RANBP9: variants seen among roughly 807,000 people sequenced by gnomAD.
The protein encoded by RANBP9 is RAN binding protein 9, also known as ran-binding protein 9.
RANBP9 carries 15 observed loss-of-function variants against 84.3 expected under a neutral mutation model. The observed-to-expected ratio is 0.18, with a 90% CI of 0.12 to 0.27. The LOEUF (loss-of-function observed/expected upper bound fraction) is 0.27. Ranked by LOEUF, RANBP9 falls within the 10% of genes least tolerant of loss-of-function variation. RANBP9 has a pLI of 1.00. For synonymous variants in RANBP9, 392 were observed against 349.6 expected (o/e 1.12, Z -1.35); for missense variants, 809 against 912.8 (o/e 0.89, Z 1.46).
intron 7 of RANBP9, 140 bp from the exon 8 acceptor site, chr6:13,641,447 T>C (rs1172777725): frequency 1.7e-6 from 1 of 584,170 alleles, no homozygotes; most frequent in East Asian, 3.3e-5. Context: ...AACATCATAG[T>C]TTCCATTAGG....
intron 5 of RANBP9, among the ~76,000 whole-genome samples, chr6:13,651,483 C>A (rs1765296092): frequency 6.6e-6 from 1 of 151,958 alleles, no homozygotes; most frequent in Non-Finnish European, 1.5e-5. Flanking sequence ...CAAGCTCCGC[C>A]TCCTGGGTTC....
chr6:13,697,622 G>A (rs906500827), intron 1 of RANBP9, among the ~76,000 whole-genome samples: 1 of 152,004 alleles, frequency 6.6e-6, no homozygotes, highest in African/African-American at 2.4e-5. Flanking sequence ...AATCCCACAG[G>A]GTTTGCTAAA....
At chr6:13,654,174 C>T (rs1765352589) in intron 4 of RANBP9, among the ~76,000 whole-genome samples, 1 of 152,072 alleles carries the variant, frequency 6.6e-6, no homozygotes, top group African/African-American at 2.4e-5. Flanking sequence ...CATTTTTTAA[C>T]ACAGCCAAAT....
chr6:13,648,744 ACAAAAAGTAGATTT>A (rs1765228577), intron 5 of RANBP9, among the ~76,000 whole-genome samples: 1 of 152,232 alleles, frequency 6.6e-6, no homozygotes, highest in African/African-American at 2.4e-5. Context: ...TAATGTATCC[ACAAAAAGTAGATTT>A]CAAGTCAGTG....
rs139455036 is a variant in RANBP9 at position 13,663,896 on chromosome 6, T to C, written c.684-5064A>G. Among the ~76,000 whole-genome samples the C allele has an allele frequency of 7.9e-3, 1,196 of 152,180 alleles. 13 individuals are homozygous for C. Among genetic ancestry groups the C allele is most frequent in the African/African-American group, 0.027 (1,120 of 41,542 alleles). ...CTAACAAGGGAACTTCCTCAACCTG[T>C]ACCTACAAAAACTCTACAACTTACA... On this transcript the variant is annotated intron_variant, in intron 2 of 13. Coordinates refer to ENST00000011619, the MANE Select transcript of RANBP9 (RefSeq NM_005493.3).
chr6:13,637,429 ATG>A (rs1764964852), intron 10 of RANBP9, among the ~76,000 whole-genome samples: 2 of 152,236 alleles, frequency 1.3e-5, no homozygotes, highest in African/African-American at 4.8e-5. Flanking sequence ...AATTTATCTT[ATG>A]TCACCGTTCA....
rs1310810020 is a variant in RANBP9, at chr6:13,682,151, C to A, written c.683+14634G>T. Among the ~76,000 whole-genome samples, 188 of 152,084 alleles carry A rather than the reference C, an allele frequency of 1.2e-3. 2 individuals carry two copies. The highest frequency in any genetic ancestry group is 4.4e-3 in the African/African-American group (182 of 41,522). Reference sequence around the variant, plus strand: ...TGCTGGGATTACAGGCGTGAGCCACCGCACCTGGGCCAAGTGCCTTCTTCA... The same window carrying A: ...TGCTGGGATTACAGGCGTGAGCCACAGCACCTGGGCCAAGTGCCTTCTTCA... On this transcript the variant is annotated intron_variant, in intron 2 of 13. Coordinates refer to ENST00000011619, the MANE Select transcript of RANBP9 (RefSeq NM_005493.3).
Position 13,639,633 on chromosome 6 carries a change from A to G in RANBP9, c.1455T>C (p.Ser485=). The G allele has an allele frequency of 6.2e-7, 1 of 1,613,078 alleles. No individual in the cohort carries two copies. The highest frequency in any genetic ancestry group is 8.5e-7 in the Non-Finnish European group (1 of 1,179,034). Reference sequence around the variant, plus strand: ...TATTCATTCCATGGCTGGGGCTCATACTTGGACTACTAAAAGGTCGAGGAC... The same window carrying G: ...TATTCATTCCATGGCTGGGGCTCATGCTTGGACTACTAAAAGGTCGAGGAC... ...PVSPRPFSSP[S]MSPSHGMNIH... The change falls in exon 9 of 14, where the codon AGT becomes AGC. Residue 485 remains serine, a synonymous_variant. Transcript: ENST00000011619.
chr6:13,664,331 T>C (rs1765599636), intron 2 of RANBP9, among the ~76,000 whole-genome samples: 1 of 152,064 alleles, frequency 6.6e-6, no homozygotes, highest in Non-Finnish European at 1.5e-5. Flanking sequence ...AAACATCACT[T>C]TGGGAAATCT....
At chr6:13,703,677 A>G (rs959344736) in intron 1 of RANBP9, among the ~76,000 whole-genome samples, 11 of 152,224 alleles carry the variant, frequency 7.2e-5, no homozygotes, top group African/African-American at 2.4e-4. Flanking sequence ...TGACATAGGA[A>G]GGAAAGGATA....
intron 13 of RANBP9, among the ~76,000 whole-genome samples, chr6:13,624,270 C>CTT (rs1470042433): frequency 1.3e-5 from 2 of 152,318 alleles, no homozygotes; most frequent in East Asian, 3.9e-4. Flanking sequence ...AATATGAATG[C>CTT]TTTTCATTGC....
intron 13 of RANBP9, among the ~76,000 whole-genome samples, chr6:13,623,681 A>G (rs1033502654): frequency 2.0e-5 from 3 of 152,238 alleles, no homozygotes; most frequent in Non-Finnish European, 2.9e-5. Context: ...TGAAATTTTC[A>G]TAACACTATA....
chr6:13,681,405 T>C (rs1327035226), intron 2 of RANBP9, among the ~76,000 whole-genome samples: 2 of 152,026 alleles, frequency 1.3e-5, no homozygotes, highest in Non-Finnish European at 1.5e-5. Context: ...TGCACATTAA[T>C]CAATAATACA....
At chr6:13,695,765 C>A (rs1043824716) in intron 2 of RANBP9, among the ~76,000 whole-genome samples, 2 of 152,078 alleles carry the variant, frequency 1.3e-5, no homozygotes, top group African/African-American at 2.4e-5. Context: ...ACATAAAAAG[C>A]TGTCACTGAA....
At chr6:13,628,705 A>G (rs1277411061) in intron 12 of RANBP9, among the ~76,000 whole-genome samples, 1 of 152,264 alleles carries the variant, frequency 6.6e-6, no homozygotes, top group Non-Finnish European at 1.5e-5. Flanking sequence ...AGGAAAATGA[A>G]TGAAACTGGC....
intron 2 of RANBP9, among the ~76,000 whole-genome samples, chr6:13,688,742 C>A (rs1766249236): frequency 1.3e-5 from 2 of 151,882 alleles, no homozygotes; most frequent in Admixed American, 1.3e-4. Context: ...AACCTAACTC[C>A]TAGCCCTAGC....
chr6:13,657,092 A>G lies in RANBP9; in HGVS notation c.904+17T>C, dbSNP rs775436902. On this transcript the variant is annotated intron_variant, in intron 4 of 13. Coordinates refer to ENST00000011619, the MANE Select transcript of RANBP9 (RefSeq NM_005493.3). ...TCCATATTTGGTTATTTTGCATGCA[A>G]TATATTATCTCAGTACCTAAACTAT... 8 of 1,578,184 alleles carry G rather than the reference A, an allele frequency of 5.1e-6. No individual in the cohort carries two copies. The highest frequency in any genetic ancestry group is 6.9e-6 in the Non-Finnish European group (8 of 1,158,444).
At chr6:13,654,695 C>A (rs542443948) in intron 4 of RANBP9, among the ~76,000 whole-genome samples, 1 of 152,176 alleles carries the variant, frequency 6.6e-6, no homozygotes, top group Admixed American at 6.5e-5. Flanking sequence ...GCCACTGTAA[C>A]AGGAAAGCAA....
intron 2 of RANBP9, among the ~76,000 whole-genome samples, chr6:13,668,673 C>T (rs1395105476): frequency 6.6e-6 from 1 of 151,924 alleles, no homozygotes; most frequent in African/African-American, 2.4e-5. Context: ...CACCCTTTCA[C>T]GATTTAAAAA....
Sources: allele counts gnomAD v4.1 joint callset (sites outside exome capture counted in the v4.1 genomes callset), GRCh38; gene constraint gnomAD v4.1.1; transcripts MANE v1.5; gene names NCBI Gene and HGNC (gene_info 2026-07-23, HGNC 2026-07-21).